Variants in KCNIP1 observed in about 807,000 individuals in gnomAD.
The protein encoded by KCNIP1 is potassium voltage-gated channel interacting protein 1, also known as A-type potassium channel modulatory protein KCNIP1.
In KCNIP1, 18 loss-of-function variants were observed where a neutral mutation model predicts 33.0. The observed-to-expected ratio is 0.55, with a 90% CI of 0.38 to 0.81. The LOEUF is 0.81. Ranked by LOEUF, KCNIP1 falls within the 30% of genes least tolerant of loss-of-function variation. The pLI is 0.00. For missense variants in KCNIP1, 238 were observed against 271.6 expected (o/e 0.88, Z 0.87); for synonymous variants, 93 against 98.3 (o/e 0.95, Z 0.32).
chr5:170,415,937 T>A (rs1172305925), intron 1 of KCNIP1, among the ~76,000 whole-genome samples: 1 of 151,928 alleles, frequency 6.6e-6, no homozygotes, highest in Non-Finnish European at 1.5e-5. Flanking sequence ...ACCGCACAGC[T>A]CTCAGGCAGG....
chr5:170,380,860 C>A (rs1413693783), intron 1 of KCNIP1, among the ~76,000 whole-genome samples: 2 of 152,112 alleles, frequency 1.3e-5, no homozygotes, highest in Admixed American at 1.3e-4. Flanking sequence ...CCTCACTGGG[C>A]CTTGTAAAAT....
chr5:170,518,139 C>T (rs558043557), intron 1 of KCNIP1, among the ~76,000 whole-genome samples: 96 of 147,422 alleles, frequency 6.5e-4, no homozygotes, highest in African/African-American at 2.3e-3. Context: ...GTGATGATAG[C>T]AGTAGGGCTG....
chr5:170,369,712 G>A (rs1244800039), intron 1 of KCNIP1, among the ~76,000 whole-genome samples: 1 of 152,184 alleles, frequency 6.6e-6, no homozygotes, highest in African/African-American at 2.4e-5. Context: ...TATTCCCATG[G>A]GCTTCCTTGA....
At chr5:170,719,703 TG>T (rs1763752730) in intron 2 of KCNIP1, among the ~76,000 whole-genome samples, 1 of 152,146 alleles carries the variant, frequency 6.6e-6, no homozygotes. Context: ...CAGCCCCTCC[TG>T]GGAGTTATCT....
intron 1 of KCNIP1, among the ~76,000 whole-genome samples, chr5:170,384,197 G>T (rs1241074077): frequency 1.3e-5 from 2 of 152,206 alleles, no homozygotes; most frequent in Admixed American, 1.3e-4. Context: ...GGCCCTGGGT[G>T]TTTTTTCAAA....
chr5:170,693,195 C>T (rs139078736), intron 1 of KCNIP1, among the ~76,000 whole-genome samples: 368 of 152,270 alleles, frequency 2.4e-3, no homozygotes, highest in Non-Finnish European at 3.4e-3. Context: ...CACCCCCTCC[C>T]GCTGGTCAGT....
rs541176964 is a variant in KCNIP1 at position 170,568,475 on chromosome 5, C to T, written c.61+63842C>T. Among the ~76,000 whole-genome samples the T allele has an allele frequency of 9.2e-5, 14 of 151,826 alleles. No homozygotes were observed. The East Asian group carries it at 1.2e-3, about 13-fold the overall frequency. ...ACACTTCTGGTGCTGATGAGCTCACCGCCTCCTGAGACAGGTGATTCCTTC... is the reference window on the plus strand; with the variant it reads ...ACACTTCTGGTGCTGATGAGCTCACTGCCTCCTGAGACAGGTGATTCCTTC... On this transcript the variant is annotated intron_variant, in intron 1 of 7. Coordinates refer to ENST00000328939, the MANE Select transcript of KCNIP1 (RefSeq NM_014592.4).
chr5:170,729,172 A>T (rs568015893), intron 5 of KCNIP1, among the ~76,000 whole-genome samples: 25 of 152,098 alleles, frequency 1.6e-4, no homozygotes, highest in Non-Finnish European at 2.9e-5. Flanking sequence ...ACTAAAAATC[A>T]TATGTGAATA....
chr5:170,587,454 T>C (rs1314999029), intron 1 of KCNIP1, among the ~76,000 whole-genome samples: 1 of 136,060 alleles, frequency 7.3e-6, no homozygotes, highest in Non-Finnish European at 1.6e-5. Context: ...AAAGCTAATA[T>C]AAATGTATTA....
At chr5:170,527,025 A>G in intron 1 of KCNIP1, among the ~76,000 whole-genome samples, 1 of 152,064 alleles carries the variant, frequency 6.6e-6, no homozygotes, top group South Asian at 2.1e-4. Context: ...ACCCGGCCTG[A>G]TTAGTTGCTT....
chr5:170,495,408 GAA>G (rs1192000599), intron 1 of KCNIP1, among the ~76,000 whole-genome samples: 1 of 152,152 alleles, frequency 6.6e-6, no homozygotes, highest in Non-Finnish European at 1.5e-5. Flanking sequence ...ACCCCTGCCT[GAA>G]AAAGACACAC....
intron 1 of KCNIP1, among the ~76,000 whole-genome samples, chr5:170,513,814 G>A (rs1755025606): frequency 6.6e-6 from 1 of 152,242 alleles, no homozygotes; most frequent in Non-Finnish European, 1.5e-5. Flanking sequence ...AGTCTAAACA[G>A]ACACAGGTAG....
At chr5:170,631,222 A>G (rs1760040227) in intron 1 of KCNIP1, among the ~76,000 whole-genome samples, 1 of 152,100 alleles carries the variant, frequency 6.6e-6, no homozygotes, top group South Asian at 2.1e-4. Context: ...CCCCCTAGAT[A>G]GGTAGTTATG....
chr5:170,549,854 T>C (rs190249844), intron 1 of KCNIP1, among the ~76,000 whole-genome samples: 2 of 152,342 alleles, frequency 1.3e-5, no homozygotes, highest in African/African-American at 4.8e-5. Flanking sequence ...ATTCATTTTT[T>C]GGGTAGAATT....
At chr5:170,716,195 T>A (rs1379037228) in intron 1 of KCNIP1, among the ~76,000 whole-genome samples, 2 of 152,196 alleles carry the variant, frequency 1.3e-5, no homozygotes, top group Non-Finnish European at 2.9e-5. Context: ...TCAAAAGTCA[T>A]GACCCATGAG....
chr5:170,609,304 G>A (rs1299854658), intron 1 of KCNIP1, among the ~76,000 whole-genome samples: 2 of 152,050 alleles, frequency 1.3e-5, no homozygotes, highest in Non-Finnish European at 1.5e-5. Context: ...TGCATTTATT[G>A]AGTTGTCTGT....
intron 1 of KCNIP1, among the ~76,000 whole-genome samples, chr5:170,407,059 C>T (rs1755055149): frequency 6.6e-6 from 1 of 152,244 alleles, no homozygotes; most frequent in Admixed American, 6.5e-5. Context: ...CTCAGAGCAG[C>T]ATGGAGCCTT....
At chr5:170,474,976 C>T (rs1561642434) in intron 1 of KCNIP1, among the ~76,000 whole-genome samples, 1 of 152,360 alleles carries the variant, frequency 6.6e-6, no homozygotes, top group East Asian at 1.9e-4. Flanking sequence ...CCATGTCCTG[C>T]TGATTGGTCC....
chr5:170,661,725 T>A (rs1369827057), intron 1 of KCNIP1, among the ~76,000 whole-genome samples: 1 of 152,166 alleles, frequency 6.6e-6, no homozygotes, highest in African/African-American at 2.4e-5. Context: ...TAAAATCATA[T>A]CATTCACACC....
Sources: allele counts gnomAD v4.1 joint callset (sites outside exome capture counted in the v4.1 genomes callset), GRCh38; gene constraint gnomAD v4.1.1; transcripts MANE v1.5; gene names NCBI Gene and HGNC (gene_info 2026-07-23, HGNC 2026-07-21).